DHRSX: variants seen among roughly 807,000 people sequenced by gnomAD.
DHRSX encodes the protein dehydrogenase/reductase X-linked.
A neutral mutation model predicts 34.0 loss-of-function variants in DHRSX; 31 were observed. The observed-to-expected ratio is 0.91, with a 90% CI of 0.69 to 1.23. The LOEUF (loss-of-function observed/expected upper bound fraction) is 1.23, where lower values mean the gene tolerates loss of function less well. DHRSX is among the 50% of genes most tolerant of loss of function. The pLI, the probability that DHRSX is intolerant of heterozygous loss-of-function variation, is 0.00. For missense variants in DHRSX, 414 were observed against 428.1 expected, an observed-to-expected ratio of 0.97 and a Z score of 0.29; for synonymous variants, 201 against 183.8, an observed-to-expected ratio of 1.09 and a Z score of -0.76.
chrX:2,321,314 C>G (rs985407034), intron 3 of DHRSX, among the ~76,000 whole-genome samples: 20 of 152,130 alleles, frequency 1.3e-4, no homozygotes, highest in Non-Finnish European at 2.9e-4. Flanking sequence ...ATTTAAATGT[C>G]CACTGACATT....
At chrX:2,360,656 G>A (rs942364455) in intron 3 of DHRSX, among the ~76,000 whole-genome samples, 3 of 151,946 alleles carry the variant, frequency 2.0e-5, no homozygotes, top group Non-Finnish European at 4.4e-5. Context: ...AATGACTGAA[G>A]GGTTATTAAT....
chrX:2,323,067 G>GCACCAGC (rs1556471858), intron 3 of DHRSX, among the ~76,000 whole-genome samples: 4 of 151,074 alleles, frequency 2.6e-5, no homozygotes, highest in Admixed American at 6.6e-5. Flanking sequence ...GGGATTACAG[G>GCACCAGC]CGCCACACCC....
At chrX:2,442,301 T>G (rs2044073184) in intron 1 of DHRSX, among the ~76,000 whole-genome samples, 1 of 151,616 alleles carries the variant, frequency 6.6e-6, no homozygotes, top group Non-Finnish European at 1.5e-5. Context: ...CAAAAAGGGT[T>G]GTTCTTGCTG....
intron 1 of DHRSX, among the ~76,000 whole-genome samples, chrX:2,457,151 T>G (rs2044310135): frequency 1.3e-5 from 2 of 152,106 alleles, no homozygotes; most frequent in Admixed American, 6.6e-5. Flanking sequence ...CAGAAGAAAG[T>G]GGCCAAGGGA....
intron 4 of DHRSX, among the ~76,000 whole-genome samples, chrX:2,285,616 G>A (rs752750336): frequency 3.8e-4 from 58 of 152,258 alleles, no homozygotes; most frequent in Non-Finnish European, 6.8e-4. Flanking sequence ...GCCATGGACT[G>A]GTACTATGAC....
intron 6 of DHRSX, among the ~76,000 whole-genome samples, chrX:2,224,880 CGCACACAT>C (rs1264085745): frequency 7.0e-6 from 1 of 142,526 alleles, no homozygotes; most frequent in Non-Finnish European, 1.5e-5. Context: ...ACAGCTCACA[CGCACACAT>C]GCTCACACTC....
In DHRSX at chrX:2,320,224, C is replaced by T. The variant is rs762805463; in HGVS notation, c.287-28621G>A. 2.6e-5 allele frequency among the ~76,000 whole-genome samples: 4 copies of T among 151,914 alleles called. No individual in the cohort carries two copies. In the East Asian group the frequency reaches 7.8e-4, roughly 29 times the overall value. On this transcript the variant is annotated intron_variant, in intron 3 of 6. Transcript: ENST00000334651. ...AACACAGAACTTGCCCATTCATTTA[C>T]ATATTGCGCTGTTGTGGTAGCGATC... is the stretch of plus-strand genomic sequence containing the variant.
intron 3 of DHRSX, among the ~76,000 whole-genome samples, chrX:2,369,684 A>G (rs1410772422): frequency 6.6e-6 from 1 of 151,958 alleles, no homozygotes; most frequent in African/African-American, 2.4e-5. Context: ...TTCTATTTTT[A>G]GTAGAGACGG....
chrX:2,366,412 C>A (rs1329097207), intron 3 of DHRSX, among the ~76,000 whole-genome samples: 1 of 151,572 alleles, frequency 6.6e-6, no homozygotes, highest in Non-Finnish European at 1.5e-5. Flanking sequence ...TGCACTCCAG[C>A]CTGGGCAACA....
chrX:2,325,538 A>T (rs1347961954), intron 3 of DHRSX, among the ~76,000 whole-genome samples: 1 of 152,118 alleles, frequency 6.6e-6, no homozygotes, highest in Non-Finnish European at 1.5e-5. Flanking sequence ...CCGACCAACT[A>T]CAAAGCCCAT....
At chrX:2,387,108 T>C (rs1399527482) in intron 3 of DHRSX, among the ~76,000 whole-genome samples, 1 of 152,192 alleles carries the variant, frequency 6.6e-6, no homozygotes, top group African/African-American at 2.4e-5. Context: ...ATGGATATTA[T>C]TTATAAAACA....
At chrX:2,496,487 C>G (rs1482548651) in intron 1 of DHRSX, among the ~76,000 whole-genome samples, 2 of 152,204 alleles carry the variant, frequency 1.3e-5, no homozygotes, top group African/African-American at 4.8e-5. Flanking sequence ...GCATGAGCCA[C>G]CGCACCCGGC....
chrX:2,237,142 C>T lies in DHRSX; in HGVS notation c.804+5881G>A, dbSNP rs376208459. ...CGGAGGTTGCAGTGAGCCGAGATCG[C>T]ACCACTGCACTCCAGCCTGGGCAAC... On this transcript the variant is annotated intron_variant, in intron 6 of 6. Transcript: ENST00000334651. 3.1e-3 allele frequency among the ~76,000 whole-genome samples: 471 copies of T among 152,076 alleles called. 4 individuals carry two copies. The highest frequency in any genetic ancestry group is 0.011 in the African/African-American group (461 of 41,482).
In DHRSX at chrX:2,363,588, C is replaced by T. The variant is rs763644207; in HGVS notation, c.286+45157G>A. On this transcript the variant is annotated intron_variant, in intron 3 of 6. Transcript: ENST00000334651. ...CTATGGTATCATGCTGCCATTTCAT[C>T]ACTGTTCTATGGTATCATGCCTCCA... 1.1e-4 allele frequency among the ~76,000 whole-genome samples: 17 copies of T among 148,340 alleles called. 2 individuals carry two copies. The East Asian group carries it at 3.6e-3, about 32-fold the overall frequency.
At chrX:2,402,834 C>G (rs942336930) in intron 3 of DHRSX, among the ~76,000 whole-genome samples, 1 of 151,016 alleles carries the variant, frequency 6.6e-6, no homozygotes, top group Non-Finnish European at 1.5e-5. Context: ...CTCGAGCATT[C>G]ATCACTTGTT....
At chrX:2,495,540 C>A (rs1425192224) in intron 1 of DHRSX, among the ~76,000 whole-genome samples, 2 of 152,158 alleles carry the variant, frequency 1.3e-5, no homozygotes, top group African/African-American at 4.8e-5. Context: ...ACGTCTCCTG[C>A]TGTCAGAATT....
chrX:2,365,632 A>C (rs988986517), intron 3 of DHRSX, among the ~76,000 whole-genome samples: 1 of 152,128 alleles, frequency 6.6e-6, no homozygotes, highest in African/African-American at 2.4e-5. Context: ...CTCAAAATAC[A>C]CAGAAATGGG....
At chrX:2,370,364 G>T (rs1027263794) in intron 3 of DHRSX, among the ~76,000 whole-genome samples, 1 of 151,942 alleles carries the variant, frequency 6.6e-6, no homozygotes, top group Non-Finnish European at 1.5e-5. Context: ...TAGAGATGGG[G>T]TTTCACCATG....
At chrX:2,360,179 C>A (rs888103649) in intron 3 of DHRSX, among the ~76,000 whole-genome samples, 2 of 151,838 alleles carry the variant, frequency 1.3e-5, no homozygotes, top group African/African-American at 4.8e-5. Flanking sequence ...CATTGCCACC[C>A]ACGGCAAAAA....
Sources: gnomAD v4.1 joint callset for allele counts (sites outside exome capture counted in the v4.1 genomes callset) on GRCh38, gnomAD v4.1.1 for gene constraint, MANE v1.5 for transcripts, NCBI Gene and HGNC (gene_info 2026-07-23, HGNC 2026-07-21) for gene names.